GALNTL6: variants seen among roughly 807,000 people sequenced by gnomAD.
The protein encoded by GALNTL6 is polypeptide N-acetylgalactosaminyltransferase-like 6.
GALNTL6 carries 46 observed loss-of-function variants against 73.7 expected under a neutral mutation model. That is an observed-to-expected ratio of 0.62 (90% CI 0.49 to 0.80). The LOEUF (loss-of-function observed/expected upper bound fraction) is 0.80. Among genes scored for constraint, GALNTL6 ranks in the 30% least tolerant of loss-of-function variants. The probability of loss-of-function intolerance (pLI) is 0.00; values close to 1 mark genes in which losing one functional copy is unlikely to be tolerated. For missense variants in GALNTL6, 604 were observed against 755.0 expected, an observed-to-expected ratio of 0.80 and a Z score of 2.34; for synonymous variants, 259 against 263.7, an observed-to-expected ratio of 0.98 and a Z score of 0.17.
At chr4:172,375,793 G>A (rs1449724105) in intron 5 of GALNTL6, among the ~76,000 whole-genome samples, 1 of 152,094 alleles carries the variant, frequency 6.6e-6, no homozygotes, top group Non-Finnish European at 1.5e-5. Context: ...AGAAAAATCG[G>A]GTTTAGTGGC....
chr4:172,245,764 G>A (rs1374445317), intron 3 of GALNTL6, among the ~76,000 whole-genome samples: 1 of 152,162 alleles, frequency 6.6e-6, no homozygotes, highest in East Asian at 1.9e-4. Context: ...CCTAATGAGT[G>A]CTGTAGAGGA....
intron 4 of GALNTL6, among the ~76,000 whole-genome samples, chr4:172,325,895 A>C (rs1215110028): frequency 1.3e-5 from 2 of 151,854 alleles, no homozygotes; most frequent in Non-Finnish European, 3.0e-5. Context: ...ACTCCACTCT[A>C]CAATAGCAGA....
At chr4:172,866,662 T>G (rs1039394405) in intron 7 of GALNTL6, among the ~76,000 whole-genome samples, 1 of 152,220 alleles carries the variant, frequency 6.6e-6, no homozygotes, top group Non-Finnish European at 1.5e-5. Context: ...ACCTTTGCTC[T>G]GGCCCTCACA....
At chr4:172,312,484 G>A (rs1299214693) in intron 4 of GALNTL6, among the ~76,000 whole-genome samples, 1 of 152,106 alleles carries the variant, frequency 6.6e-6, no homozygotes, top group African/African-American at 2.4e-5. Context: ...AATGTGATAA[G>A]AATTTGTAAT....
intron 2 of GALNTL6, among the ~76,000 whole-genome samples, chr4:171,906,570 G>A (rs1365954157): frequency 6.6e-6 from 1 of 152,172 alleles, no homozygotes; most frequent in Non-Finnish European, 1.5e-5. Flanking sequence ...GAGGTACAAG[G>A]AGGAACTGGT....
chr4:172,849,270 T>C (rs1013373906), intron 7 of GALNTL6, among the ~76,000 whole-genome samples: 2 of 152,142 alleles, frequency 1.3e-5, no homozygotes, highest in Non-Finnish European at 2.9e-5. Context: ...GAAGAAGGGC[T>C]CACATTAATT....
intron 9 of GALNTL6, among the ~76,000 whole-genome samples, chr4:172,950,392 G>A (rs1313664406): frequency 1.3e-5 from 2 of 152,132 alleles, no homozygotes; most frequent in African/African-American, 2.4e-5. Context: ...TAGAAAGAAA[G>A]GAACACAGAG....
At chr4:172,807,285 G>C (rs1189590051) in intron 5 of GALNTL6, among the ~76,000 whole-genome samples, 1 of 152,200 alleles carries the variant, frequency 6.6e-6, no homozygotes, top group Non-Finnish European at 1.5e-5. Context: ...ATATTTGTTA[G>C]TCTGTGGCTT....
rs74328921 is a variant in GALNTL6, at chr4:172,173,730, G to C, written c.139-55926G>C. ...TAAAGAATTTAAATAGTTTAAAAAA[G>C]TAAATATTAGAATTTAGCCATTTGA... On this transcript the variant is annotated intron_variant, in intron 2 of 12. Transcript: ENST00000506823. Among the ~76,000 whole-genome samples the C allele has an allele frequency of 8.5e-5, 13 of 152,310 alleles. No homozygotes were observed. The East Asian group carries it at 2.5e-3, about 29-fold the overall frequency.
At chr4:172,058,602 T>A (rs1469785277) in intron 2 of GALNTL6, among the ~76,000 whole-genome samples, 1 of 152,166 alleles carries the variant, frequency 6.6e-6, no homozygotes, top group Non-Finnish European at 1.5e-5. Flanking sequence ...TTTTTTATTC[T>A]AGCTTTTTCT....
At chr4:172,987,132 T>G (rs972170844) in intron 10 of GALNTL6, among the ~76,000 whole-genome samples, 2 of 152,180 alleles carry the variant, frequency 1.3e-5, no homozygotes, top group African/African-American at 4.8e-5. Context: ...AAAATAAGCT[T>G]TAGTTCATGT....
intron 2 of GALNTL6, among the ~76,000 whole-genome samples, chr4:171,834,062 T>C (rs541343613): frequency 1.3e-5 from 2 of 152,008 alleles, no homozygotes; most frequent in East Asian, 3.9e-4. Context: ...TAAAAAAACA[T>C]TTTTTAAAGC....
intron 3 of GALNTL6, among the ~76,000 whole-genome samples, chr4:172,262,295 A>G (rs1213897407): frequency 6.6e-6 from 1 of 151,536 alleles, no homozygotes; most frequent in Non-Finnish European, 1.5e-5. Context: ...TGTTTTATAA[A>G]TTTGGGAGCT....
intron 5 of GALNTL6, among the ~76,000 whole-genome samples, chr4:172,687,701 A>G (rs941072539): frequency 5.3e-5 from 8 of 152,062 alleles, no homozygotes; most frequent in South Asian, 2.1e-4. Context: ...ATGCATTTTA[A>G]TACTAAGATA....
In GALNTL6 at chr4:172,401,953, G is replaced by GA. The variant is rs1561066531; in HGVS notation, c.553+53264_553+53265insA. The stretch of plus-strand genomic sequence containing the variant: ...GGAGAGAGGGGGAAAGGGGGAGGGG[G>GA]GAGAGAGAGAGAGAGAGAGAGAGAG... On this transcript the variant is annotated intron_variant, in intron 5 of 12. Transcript: ENST00000506823. Among the ~76,000 whole-genome samples the GA allele has an allele frequency of 3.2e-3, 291 of 92,254 alleles. 2 individuals are homozygous for GA. The highest frequency in any genetic ancestry group is 0.016 in the South Asian group (40 of 2,432). The allele number at this position is 92,254 out of a possible 152,430, so 60.5% of individuals were successfully genotyped here. A position where few individuals can be genotyped will look rare whatever the true frequency, so the allele number is the denominator to read the frequency against.
chr4:172,591,704 G>C (rs574446742), intron 5 of GALNTL6, among the ~76,000 whole-genome samples: 4 of 152,148 alleles, frequency 2.6e-5, no homozygotes, highest in Non-Finnish European at 5.9e-5. Context: ...AACTGATGCC[G>C]CTTCTGTCTT....
intron 5 of GALNTL6, among the ~76,000 whole-genome samples, chr4:172,492,356 A>G (rs1182716728): frequency 6.6e-6 from 1 of 152,126 alleles, no homozygotes; most frequent in African/African-American, 2.4e-5. Context: ...TCAGAAACTC[A>G]CACTTCTGTC....
intron 5 of GALNTL6, among the ~76,000 whole-genome samples, chr4:172,779,056 A>C (rs1433325981): frequency 6.6e-6 from 1 of 151,616 alleles, no homozygotes; most frequent in Non-Finnish European, 1.5e-5. Context: ...TGTTTTCCCT[A>C]CTGAAATATG....
chr4:171,880,650 T>C (rs1736421310), intron 2 of GALNTL6, among the ~76,000 whole-genome samples: 1 of 151,872 alleles, frequency 6.6e-6, no homozygotes, highest in African/African-American at 2.4e-5. Context: ...CAGACGAAAG[T>C]AGAATTGTAA....
Sources: allele counts gnomAD v4.1 joint callset (sites outside exome capture counted in the v4.1 genomes callset), GRCh38; gene constraint gnomAD v4.1.1; transcripts MANE v1.5; gene names NCBI Gene and HGNC (gene_info 2026-07-23, HGNC 2026-07-21).